The following CNTN6 variants were observed in gnomAD, a reference collection of about 807,000 sequenced individuals.
CNTN6 encodes contactin 6.
Under a neutral mutation model 122.8 loss-of-function variants are expected in CNTN6, and 137 were observed. The ratio of observed to expected loss-of-function variants is 1.12; its 90% CI spans 0.97 to 1.29. The LOEUF (loss-of-function observed/expected upper bound fraction) is 1.29, where lower values mean the gene tolerates loss of function less well. Ranked by LOEUF, CNTN6 falls within the 50% of genes most tolerant of loss-of-function variation. The probability of loss-of-function intolerance (pLI) is 0.00; values close to 1 mark genes in which losing one functional copy is unlikely to be tolerated. For synonymous variants in CNTN6, 570 were observed against 426.0 expected (o/e 1.34, Z -4.16); for missense variants, 1,634 against 1,223.4 (o/e 1.34, Z -5.01).
chr3:1,395,499 T>G (rs1179063364), intron 20 of CNTN6, among the ~76,000 whole-genome samples: 1 of 152,160 alleles, frequency 6.6e-6, no homozygotes, highest in Non-Finnish European at 1.5e-5. Flanking sequence ...CCAGCAACAG[T>G]AGGGTACCTT....
chr3:1,389,339 A>G (rs1693728687), intron 20 of CNTN6, among the ~76,000 whole-genome samples: 1 of 152,104 alleles, frequency 6.6e-6, no homozygotes, highest in Non-Finnish European at 1.5e-5. Context: ...GAGAAATAAA[A>G]TACTTTACAG....
intron 1 of CNTN6, among the ~76,000 whole-genome samples, chr3:1,123,768 A>G (rs1351719702): frequency 2.6e-5 from 4 of 152,016 alleles, no homozygotes; most frequent in African/African-American, 9.7e-5. Context: ...GTTCCCGATC[A>G]GAGTGGGACA....
At chr3:1,202,062 A>C (rs1329409505) in intron 2 of CNTN6, among the ~76,000 whole-genome samples, 11 of 152,242 alleles carry the variant, frequency 7.2e-5, no homozygotes, top group Non-Finnish European at 1.6e-4. Flanking sequence ...TCTTTAAAAA[A>C]TGCTAGTGGA....
At chr3:1,377,196 A>G in intron 17 of CNTN6, 121 bp downstream of exon 17, 2 of 603,682 alleles carry the variant, frequency 3.3e-6, no homozygotes, top group Admixed American at 3.3e-5. Context: ...TGGTATAAAA[A>G]TACATCATCC....
intron 2 of CNTN6, among the ~76,000 whole-genome samples, chr3:1,188,533 G>C (rs779702050): frequency 1.3e-5 from 2 of 152,178 alleles, no homozygotes; most frequent in African/African-American, 2.4e-5. Context: ...TACACTTGCT[G>C]TTTCTGTGGT....
chr3:1,195,501 CCT>C (rs745524594), intron 2 of CNTN6, among the ~76,000 whole-genome samples: 15 of 152,240 alleles, frequency 9.9e-5, no homozygotes, highest in South Asian at 6.2e-4. Context: ...GTAAATTCCC[CCT>C]GTTCCTTAGA....
chr3:1,226,261 A>G (rs2094282128), intron 3 of CNTN6, among the ~76,000 whole-genome samples: 1 of 152,174 alleles, frequency 6.6e-6, no homozygotes, highest in South Asian at 2.1e-4. Flanking sequence ...TTTTGGTATA[A>G]AGGGGAGAAT....
At chr3:1,323,303 A>G (rs758123733) in intron 8 of CNTN6, among the ~76,000 whole-genome samples, 8 of 151,782 alleles carry the variant, frequency 5.3e-5, no homozygotes, top group Non-Finnish European at 1.0e-4. Flanking sequence ...CAGATTCAAG[A>G]TCAGAACCTT....
intron 19 of CNTN6, among the ~76,000 whole-genome samples, chr3:1,384,782 T>TACATATATATACAC (rs1559990255): frequency 1.5e-5 from 2 of 132,166 alleles, no homozygotes; most frequent in Non-Finnish European, 1.6e-5. Flanking sequence ...CATATATATA[T>TACATATATATACAC]ATATATATAT....
At chr3:1,142,988 A>G (rs932199745) in intron 1 of CNTN6, among the ~76,000 whole-genome samples, 1 of 144,310 alleles carries the variant, frequency 6.9e-6, no homozygotes, top group African/African-American at 2.6e-5. Context: ...ATATATATAT[A>G]TATATATATA....
chr3:1,384,740 CATATAT>C (rs367867737), intron 19 of CNTN6, among the ~76,000 whole-genome samples: 7,487 of 105,936 alleles, frequency 0.071, 369 homozygotes, highest in East Asian at 0.13. Context: ...CATATATATA[CATATAT>C]ACACATATAT....
rs758024527 is a variant in CNTN6, at chr3:1,385,802, G to A, written c.2704+5G>A. The stretch of plus-strand genomic sequence containing the variant: ...ATGTTACCACCAAAAAGTCTCGTAA[G>A]TATGCATACACTCCAGGAAACAAGA... On this transcript the variant is annotated splice_donor_5th_base_variant and intron_variant, in intron 20 of 22. Transcript: ENST00000446702. The A allele has an allele frequency of 1.9e-6, 3 of 1,604,608 alleles. No homozygotes were observed. The highest frequency in any genetic ancestry group is 3.4e-5 in the Admixed American group (2 of 58,084).
chr3:1,243,308 G>A (rs1355426038), intron 4 of CNTN6, among the ~76,000 whole-genome samples: 3 of 152,174 alleles, frequency 2.0e-5, no homozygotes, highest in Admixed American at 2.0e-4. Flanking sequence ...GGGAACGCCT[G>A]GCTGCTGCGG....
At chr3:1,169,219 T>G (rs1188612318) in intron 2 of CNTN6, among the ~76,000 whole-genome samples, 1 of 152,228 alleles carries the variant, frequency 6.6e-6, no homozygotes, top group Admixed American at 6.5e-5. Context: ...GTTCTTCTAT[T>G]TAGCCTAAGA....
intron 1 of CNTN6, among the ~76,000 whole-genome samples, chr3:1,103,907 C>T (rs778463839): frequency 5.9e-5 from 9 of 151,944 alleles, no homozygotes; most frequent in African/African-American, 2.4e-5. Flanking sequence ...CTACATGAAA[C>T]GGTCTTCAAT....
intron 11 of CNTN6, among the ~76,000 whole-genome samples, chr3:1,332,495 A>AGG (rs1553687663): frequency 8.4e-6 from 1 of 118,552 alleles, no homozygotes; most frequent in Non-Finnish European, 1.7e-5. Context: ...AGGAAGGAAA[A>AGG]AAGGAAGGAA....
chr3:1,256,519 C>G (rs1370814428), intron 4 of CNTN6, among the ~76,000 whole-genome samples: 1 of 152,044 alleles, frequency 6.6e-6, no homozygotes, highest in East Asian at 1.9e-4. Flanking sequence ...TCAGAGATGT[C>G]CTGAGGTTGG....
At chr3:1,148,107 G>A (rs1412660361) in intron 2 of CNTN6, 44 bp downstream of exon 2, 1 of 1,470,354 alleles carries the variant, frequency 6.8e-7, no homozygotes, top group Admixed American at 1.7e-5. Context: ...TAAATATATT[G>A]GCATTGTATT....
chr3:1,185,030 A>G (rs568939274), intron 2 of CNTN6, among the ~76,000 whole-genome samples: 1 of 152,296 alleles, frequency 6.6e-6, no homozygotes, highest in African/African-American at 2.4e-5. Context: ...TCTAACTACA[A>G]GAAACAGTAA....
Sources: allele counts gnomAD v4.1 joint callset (sites outside exome capture counted in the v4.1 genomes callset), GRCh38; gene constraint gnomAD v4.1.1; transcripts MANE v1.5; gene names NCBI Gene and HGNC (gene_info 2026-07-23, HGNC 2026-07-21).